The following COL14A1 variants were observed in gnomAD, a reference collection of about 807,000 sequenced individuals.
The protein encoded by COL14A1 is collagen alpha-1(XIV) chain.
A neutral mutation model predicts 230.3 loss-of-function variants in COL14A1; 136 were observed. The observed-to-expected ratio is 0.59, with a 90% CI of 0.51 to 0.68. COL14A1 has a LOEUF of 0.68. Among genes scored for constraint, COL14A1 ranks in the 30% least tolerant of loss-of-function variants. The pLI, the probability that COL14A1 is intolerant of heterozygous loss-of-function variation, is 0.00. For missense variants in COL14A1, 1,976 were observed against 2,215.8 expected, an observed-to-expected ratio of 0.89 and a Z score of 2.17; for synonymous variants, 792 against 784.1, an observed-to-expected ratio of 1.01 and a Z score of -0.17.
chr8:120,277,214 T>G (rs1819882045), intron 26 of COL14A1, among the ~76,000 whole-genome samples: 2 of 152,134 alleles, frequency 1.3e-5, no homozygotes, highest in South Asian at 2.1e-4. Context: ...TGACCACTCT[T>G]GTGATGTGCA....
Position 120,283,753 on chromosome 8 carries a change from C to T in COL14A1, c.3942C>T (p.Asp1314=), listed in dbSNP as rs764145988. The change falls in exon 32 of 48, where the codon GAC becomes GAT. Residue 1314 remains aspartate (D), a synonymous_variant. Coordinates refer to ENST00000297848, the MANE Select transcript of COL14A1 (RefSeq NM_021110.4). ...GGGAGATTTTAAATAAAAATTCTGA[C>T]CCATTGGTTGGGGTTATTTTAGACA... The part of the protein sequence containing the change: ...ALWEILNKNS[D]PLVGVILDNG... The T allele has an allele frequency of 6.2e-7, 1 of 1,612,264 alleles. No homozygotes were observed. Among genetic ancestry groups the T allele is most frequent in the Middle Eastern group, 1.7e-4 (1 of 6,044 alleles).
intron 36 of COL14A1, among the ~76,000 whole-genome samples, chr8:120,302,858 C>G (rs191508181): frequency 1.1e-4 from 16 of 152,302 alleles, no homozygotes; most frequent in Admixed American, 9.8e-4. Context: ...AGTATTGATA[C>G]TTCCTATCCA....
intron 4 of COL14A1, among the ~76,000 whole-genome samples, chr8:120,164,808 C>T (rs1165507882): frequency 6.6e-6 from 1 of 152,210 alleles, no homozygotes; most frequent in Non-Finnish European, 1.5e-5. Context: ...GCTGAAATAA[C>T]TTCACTTACA....
In COL14A1 at chr8:120,172,888, T is replaced by C. The variant is rs556408663; in HGVS notation, c.436+4641T>C. ...TTCCAGCATGACTATTACAGCTTAA[T>C]GTCTTGATTGATAAATTTCTGGTTA... On this transcript the variant is annotated intron_variant, in intron 5 of 47. Transcript: ENST00000297848. 3.8e-4 allele frequency among the ~76,000 whole-genome samples: 58 copies of C among 152,370 alleles called. No homozygotes were observed. The South Asian group carries it at 0.011, about 30-fold the overall frequency.
rs763002591 is a variant in COL14A1 at position 120,243,985 on chromosome 8, G to A, written c.2456G>A (p.Ser819Asn). Residue 819 changes from serine (S) to asparagine (N), a missense_variant, in exon 20 of 48, where the codon AGC (serine) becomes AAC (asparagine). Ser to Asn is a conservative substitution (Grantham distance 46, BLOSUM62 1). Transcript: ENST00000297848. The part of the protein sequence containing the change: ...TPIYTDGEGV[S>N]VSAPGKTLPS... ...ATCTACACGGATGGCGAAGGCGTCA[G>A]CGTCTCCGCTCCTGGAAAAACCTGT... 6 of 1,612,944 alleles carry A rather than the reference G, an allele frequency of 3.7e-6. No homozygotes were observed. The highest frequency in any genetic ancestry group is 1.7e-5 in the Admixed American group (1 of 59,868).
At chr8:120,232,701 T>A (rs1184313362) in intron 19 of COL14A1, among the ~76,000 whole-genome samples, 1 of 152,244 alleles carries the variant, frequency 6.6e-6, no homozygotes, top group Non-Finnish European at 1.5e-5. Flanking sequence ...AAGTCTTTGC[T>A]ATTGTGAGTA....
At chr8:120,265,837 G>C (rs926410975) in intron 24 of COL14A1, among the ~76,000 whole-genome samples, 1 of 151,624 alleles carries the variant, frequency 6.6e-6, no homozygotes. Context: ...CTTAAAGTTG[G>C]AAGAGACCTT....
chr8:120,232,953 C>T (rs1461033850), intron 19 of COL14A1, among the ~76,000 whole-genome samples: 3 of 152,112 alleles, frequency 2.0e-5, no homozygotes, highest in Admixed American at 6.5e-5. Context: ...TTAATGATTG[C>T]CGTTCTAACT....
chr8:120,230,489 C>T (rs1329238669), intron 18 of COL14A1, among the ~76,000 whole-genome samples: 1 of 152,120 alleles, frequency 6.6e-6, no homozygotes, highest in Admixed American at 6.5e-5. Context: ...ATCCAAGATC[C>T]TTCCTAGTTG....
At chr8:120,313,859 T>A in intron 37 of COL14A1, 73 bp from the exon 38 acceptor site, 1 of 918,212 alleles carries the variant, frequency 1.1e-6, no homozygotes. Flanking sequence ...ATAATTGTCC[T>A]AAGCAGAAAT....
chr8:120,280,750 G>C lies in COL14A1; in HGVS notation c.3685+1G>C. On this transcript the variant is annotated splice_donor_variant, in intron 30 of 47. Transcript: ENST00000297848. LOFTEE classifies it high-confidence loss of function. ...CACAAGGATGGCATTGATCTTGCAG[G>C]TATGCATTATCACAATCTTTTCAAA... 6.2e-7 allele frequency: 1 copy of C among 1,612,980 alleles called. No homozygotes were observed. The highest frequency in any genetic ancestry group is 1.1e-5 in the South Asian group (1 of 90,870).
At chr8:120,194,933 G>A (rs999013237) in intron 5 of COL14A1, among the ~76,000 whole-genome samples, 3 of 152,120 alleles carry the variant, frequency 2.0e-5, no homozygotes, top group Non-Finnish European at 2.9e-5. Flanking sequence ...CTTTTTCTTA[G>A]TGTGGTACAG....
At chr8:120,193,898 C>T (rs558412316) in intron 5 of COL14A1, among the ~76,000 whole-genome samples, 14 of 152,248 alleles carry the variant, frequency 9.2e-5, no homozygotes, top group East Asian at 7.7e-4. Flanking sequence ...TTAAGCCCCT[C>T]GGAAAAGCGC....
intron 19 of COL14A1, among the ~76,000 whole-genome samples, chr8:120,241,467 C>A (rs1165924106): frequency 6.6e-6 from 1 of 152,126 alleles, no homozygotes; most frequent in East Asian, 1.9e-4. Flanking sequence ...TAGAGCCAGA[C>A]ATGAAAATCC....
chr8:120,177,374 T>C (rs1816313404), intron 5 of COL14A1, among the ~76,000 whole-genome samples: 1 of 152,102 alleles, frequency 6.6e-6, no homozygotes, highest in Non-Finnish European at 1.5e-5. Context: ...AAGGGCCTAG[T>C]GCAGTGACTC....
chr8:120,194,052 C>G (rs1432238304), intron 5 of COL14A1, among the ~76,000 whole-genome samples: 1 of 152,188 alleles, frequency 6.6e-6, no homozygotes, highest in African/African-American at 2.4e-5. Context: ...GTGCGCTGCA[C>G]CCACTGTCCT....
At chr8:120,182,169 A>G (rs956870007) in intron 5 of COL14A1, among the ~76,000 whole-genome samples, 2 of 152,236 alleles carry the variant, frequency 1.3e-5, no homozygotes, top group Admixed American at 6.5e-5. Context: ...ACTCTGTCTG[A>G]AATAAGTTTT....
intron 4 of COL14A1, 126 bp from the exon 5 acceptor site, chr8:120,168,035 A>T (rs1815968660): frequency 1.8e-6 from 1 of 548,296 alleles, no homozygotes; most frequent in Non-Finnish European, 3.2e-6. Context: ...TTTGGGGATG[A>T]GTTTGTACCA....
Position 120,371,820 on chromosome 8 carries a change from A to G in COL14A1, c.*589A>G, listed in dbSNP as rs923793125. 3.1e-5 allele frequency: 12 copies of G among 386,518 alleles called. No homozygotes were observed. The highest frequency in any genetic ancestry group is 1.9e-4 in the African/African-American group (9 of 48,414). The allele number at this position is 386,518 out of a possible 1,614,324, so 23.9% of individuals were successfully genotyped here. A position where few individuals can be genotyped will look rare whatever the true frequency, so the allele number is the denominator to read the frequency against. ...AGCTTTCTGAATTTGGTAGTTTAAG[A>G]AACAGATTTAGTTTTTCAGTGGTTT... On this transcript the variant is annotated 3_prime_UTR_variant, in exon 48 of 48. Coordinates refer to ENST00000297848, the MANE Select transcript of COL14A1 (RefSeq NM_021110.4).
Sources: allele counts gnomAD v4.1 joint callset (sites outside exome capture counted in the v4.1 genomes callset), GRCh38; gene constraint gnomAD v4.1.1; transcripts MANE v1.5; gene names NCBI Gene and HGNC (gene_info 2026-07-23, HGNC 2026-07-21).